SLC26A6: variants seen among roughly 807,000 people sequenced by gnomAD.
SLC26A6 encodes the protein solute carrier family 26 member 6, also known as anion exchange transporter.
Under a neutral mutation model 87.1 loss-of-function variants are expected in SLC26A6, and 67 were observed. The observed-to-expected ratio is 0.77, with a 90% confidence interval of 0.63 to 0.94. The LOEUF (loss-of-function observed/expected upper bound fraction) is 0.94. Among genes scored for constraint, SLC26A6 ranks in the 40% least tolerant of loss-of-function variants. The pLI is 0.00. For synonymous variants in SLC26A6, 414 were observed against 405.9 expected (o/e 1.02, Z -0.24); for missense variants, 902 against 973.0 (o/e 0.93, Z 0.97).
In SLC26A6 at chr3:48,630,666, G is replaced by A. The variant is rs1420794732; in HGVS notation, c.1189C>T (p.Pro397Ser). The A allele has an allele frequency of 7.5e-6, 12 of 1,601,874 alleles. No individual in the cohort carries two copies. The highest frequency in any genetic ancestry group is 1.7e-5 in the Admixed American group (1 of 58,720). Residue 397 changes from proline to serine, a missense_variant, in exon 10 of 21, where the codon CCC becomes TCC. Transcript: ENST00000395550. ...NLIGGIFQCF[P>S]VSCSMSRSLV... ...CTCCGAGACATAGAGCAACTCACGG[G>A]GAAGCACTGGAAGATGCCTCCGATA...
chr3:48,631,327 A>G, intron 7 of SLC26A6, 21 bp from the exon 8 acceptor site: 1 of 1,550,172 alleles, frequency 6.5e-7, no homozygotes, highest in Non-Finnish European at 8.7e-7. Flanking sequence ...GGACAGAGTC[A>G]GGGAGGCAGG....
chr3:48,628,823 C>G lies in SLC26A6; in HGVS notation c.1600-109G>C. On this transcript the variant is annotated intron_variant, in intron 14 of 20. Transcript: ENST00000395550. The surrounding 1 kb of genome is among the most constrained non-coding windows in gnomAD (Gnocchi z 4.4). ...GCCCAGTGCCTGCCACCGCCCAGCC[C>G]TCTGCTCCCCAGGCTGCAGTCCAGG... 2.3e-6 allele frequency: 3 copies of G among 1,290,540 alleles called. No homozygotes were observed. Among genetic ancestry groups the G allele is most frequent in the Admixed American group, 2.0e-5 (1 of 50,266 alleles). The allele number at this position is 1,290,540 out of a possible 1,614,324, so 79.9% of individuals were successfully genotyped here. A position where few individuals can be genotyped will look rare whatever the true frequency, so the allele number is the denominator to read the frequency against.
At chr3:48,630,258 T>C in intron 11 of SLC26A6, 101 bp from the exon 12 acceptor site, 1 of 1,401,608 alleles carries the variant, frequency 7.1e-7, no homozygotes, top group Non-Finnish European at 9.9e-7. Flanking sequence ...ACTCAGGCAG[T>C]ACCCCAGACA....
intron 1 of SLC26A6, 154 bp from the exon 2 acceptor site, chr3:48,633,789 C>T: frequency 6.8e-7 from 1 of 1,462,062 alleles, no homozygotes; most frequent in Non-Finnish European, 9.0e-7. Context: ...CTGTGGGCCA[C>T]ATGTCCAAAC....
rs751743351 is a variant in SLC26A6, at chr3:48,632,330, T to C, written c.500A>G (p.Asn167Ser). Reference protein sequence around the residue: ...VTESLAPQALNDSMINETARD... With the variant: ...VTESLAPQALSDSMINETARD... ...GGCTGTCTCATTGATCATGGAGTCGTTCAAGGCCTGCGGGGCCAGGGATTC... is the reference window on the plus strand; with the variant it reads ...GGCTGTCTCATTGATCATGGAGTCGCTCAAGGCCTGCGGGGCCAGGGATTC... Residue 167 changes from asparagine to serine, a missense_variant, in exon 5 of 21, where the codon AAC becomes AGC. By Grantham distance (46) the Asn-to-Ser change is conservative. This residue lies in a region of SLC26A6 where 800 missense variants were observed against 856.8 expected (regional missense o/e 0.93). Transcript: ENST00000395550. 8 of 1,613,116 alleles carry C rather than the reference T, an allele frequency of 5.0e-6. No homozygotes were observed. The South Asian group carries it at 6.6e-5, about 13-fold the overall frequency.
chr3:48,631,373 T>C, intron 7 of SLC26A6, 67 bp from the exon 8 acceptor site: 1 of 1,453,828 alleles, frequency 6.9e-7, no homozygotes, highest in Admixed American at 2.5e-5. Context: ...CATAAACCAC[T>C]GTGAGGTGAG....
Position 48,628,272 on chromosome 3 carries a change from G to A in SLC26A6, c.1800+162C>T, listed in dbSNP as rs894240738. ...GATGGGAGAGAAAATGCTGCCTAGA[G>A]CCCGGACCTGCTAGGGGAGTGAAGC... is the stretch of plus-strand genomic sequence containing the variant. On this transcript the variant is annotated intron_variant, in intron 16 of 20. Coordinates refer to ENST00000395550, the MANE Select transcript of SLC26A6 (RefSeq NM_022911.3). The surrounding 1 kb of genome is among the most constrained non-coding windows in gnomAD (Gnocchi z 4.4). 13 of 940,842 alleles carry A rather than the reference G, an allele frequency of 1.4e-5. No individual in the cohort carries two copies. In the African/African-American group the frequency reaches 2.0e-4, roughly 14 times the overall value. 58.3% of individuals were successfully genotyped at this position (940,842 alleles called of 1,614,324 possible). A position where few individuals can be genotyped will look rare whatever the true frequency, so the allele number is the denominator to read the frequency against.
At chr3:48,627,286 C>T (rs139513475) in intron 17 of SLC26A6, 28 of 543,876 alleles carry the variant, frequency 5.1e-5, no homozygotes, top group Non-Finnish European at 7.8e-5. Context: ...CCTCCTGGGC[C>T]GACGCTGCAC....
chr3:48,628,670 G>A lies in SLC26A6; in HGVS notation c.1644C>T (p.Thr548=), dbSNP rs773219606. ...RGVKVFRSSA[T]VYFANAEFYS... ...AGAACTCAGCATTGGCAAAGTACAC[G>A]GTGGCCGAGGAGCGGAAGACCTTCA... is the stretch of plus-strand genomic sequence containing the variant. The change falls in exon 15 of 21, where the codon ACC becomes ACT. Residue 548 remains threonine (T), a synonymous_variant. Transcript: ENST00000395550. The surrounding 1 kb of genome is among the most constrained non-coding windows in gnomAD (Gnocchi z 4.4). 11 of 1,613,562 alleles carry A rather than the reference G, an allele frequency of 6.8e-6. No individual in the cohort carries two copies. The highest frequency in any genetic ancestry group is 1.3e-5 in the African/African-American group (1 of 75,016).
intron 17 of SLC26A6, 41 bp from the exon 18 acceptor site, chr3:48,627,096 G>T (rs60028595): frequency 6.3e-7 from 1 of 1,595,916 alleles, no homozygotes; most frequent in Non-Finnish European, 8.5e-7. Context: ...CCATGAGAGA[G>T]TGAAGGCAGG....
At position 48,630,615 on chromosome 3, in the gene SLC26A6, T is replaced by G. The variant is rs750055957; in HGVS notation, c.1240A>C (p.Asn414His). 3.2e-6 allele frequency: 5 copies of G among 1,579,816 alleles called. No homozygotes were observed. The South Asian group carries it at 4.6e-5, about 15-fold the overall frequency. Residue 414 changes from asparagine to histidine, a missense_variant, in exon 10 of 21, where the codon AAC (asparagine) becomes CAC (histidine). Physicochemically the swap from Asn to His is moderately conservative, Grantham distance 68. This residue lies in a region of SLC26A6 where 800 missense variants were observed against 856.8 expected (regional missense o/e 0.93). Transcript: ENST00000395550. ...CCACACCCAAAGCCCACCTGCGAGT[T>G]GCCCCCGGTGCTCTCCTGTACCAGG... Reference protein sequence around the residue: ...RSLVQESTGGNSQVAGAISSL... With the variant: ...RSLVQESTGGHSQVAGAISSL...
intron 4 of SLC26A6, chr3:48,632,664 G>C: frequency 1.4e-6 from 1 of 690,418 alleles, no homozygotes; most frequent in Non-Finnish European, 2.6e-6. Context: ...GGACACAGAG[G>C]CTCTCTGTGG....
chr3:48,628,408 G>T lies in SLC26A6; in HGVS notation c.1800+26C>A, dbSNP rs752472295. The T allele has an allele frequency of 5.6e-6, 9 of 1,613,106 alleles. No individual in the cohort carries two copies. Among genetic ancestry groups the T allele is most frequent in the Non-Finnish European group, 7.6e-6 (9 of 1,179,902 alleles). ...GCAGGGAACAGGGGGCAGGAGATGG[G>T]GGTCACCAGACAAAAGGGGCCCTGC... On this transcript the variant is annotated intron_variant, in intron 16 of 20. Transcript: ENST00000395550. This position sits in a 1 kb window ranked among gnomAD's most constrained non-coding sequence, Gnocchi z 4.4.
chr3:48,626,006 C>G lies in SLC26A6; in HGVS notation c.2266-6G>C, dbSNP rs1559463112. 1.2e-6 allele frequency: 2 copies of G among 1,613,784 alleles called. No homozygotes were observed. The highest frequency in any genetic ancestry group is 8.5e-7 in the Non-Finnish European group (1 of 1,179,910). On this transcript the variant is annotated splice_region_variant and splice_polypyrimidine_tract_variant and intron_variant, in intron 20 of 20. Coordinates refer to ENST00000395550, the MANE Select transcript of SLC26A6 (RefSeq NM_022911.3). ...CATGTTCAGAGTCTGGTGACCTGAGCAGGCAGAGGAGGGGAGGCTCTAGTC... is the reference window on the plus strand; with the variant it reads ...CATGTTCAGAGTCTGGTGACCTGAGGAGGCAGAGGAGGGGAGGCTCTAGTC...
chr3:48,634,204 G>C (rs2046890362), intron 1 of SLC26A6: 1 of 156,112 alleles, frequency 6.4e-6, no homozygotes, highest in African/African-American at 2.4e-5. Flanking sequence ...GCTCAGGCCT[G>C]TTATGGGGAA....
At position 48,631,872 on chromosome 3, in the gene SLC26A6, T is replaced by TC. The variant is rs2046806931; in HGVS notation, c.750+7dup. ...CACCTACCCCTCCCTCCCCCTACCCTCACTCACATAGATGAGGGACAGTGG... is the reference window on the plus strand; with the variant it reads ...CACCTACCCCTCCCTCCCCCTACCCTCCACTCACATAGATGAGGGACAGTGG... On this transcript the variant is annotated splice_region_variant and intron_variant, in intron 6 of 20. Coordinates refer to ENST00000395550, the MANE Select transcript of SLC26A6 (RefSeq NM_022911.3). 8.1e-6 allele frequency: 13 copies of TC among 1,613,362 alleles called. No homozygotes were observed. The highest frequency in any genetic ancestry group is 1.0e-5 in the Non-Finnish European group (12 of 1,179,930).
Position 48,627,033 on chromosome 3 carries a change from A to G in SLC26A6, c.1916T>C (p.Met639Thr), listed in dbSNP as rs2046643968. 6 of 1,613,890 alleles carry G rather than the reference A, an allele frequency of 3.7e-6. No homozygotes were observed. The highest frequency in any genetic ancestry group is 2.7e-5 in the African/African-American group (2 of 74,908). ...KMMQVSSGDK[M>T]EDATANGQED... ...TTGACCATTGGCTGTTGCATCTTCC[A>G]TCTTATCTCCTGAGCTCACCTGCTG... is the stretch of plus-strand genomic sequence containing the variant. Residue 639 changes from methionine to threonine, a missense_variant, in exon 18 of 21, where the codon ATG becomes ACG. By Grantham distance (81) the Met-to-Thr change is moderately conservative. This residue lies in a region of SLC26A6 where 800 missense variants were observed against 856.8 expected (regional missense o/e 0.93). Transcript: ENST00000395550.
chr3:48,630,257 G>C, intron 11 of SLC26A6, 100 bp from the exon 12 acceptor site: 1 of 1,414,900 alleles, frequency 7.1e-7, no homozygotes. Context: ...CACTCAGGCA[G>C]TACCCCAGAC....
intron 7 of SLC26A6, 34 bp from the exon 8 acceptor site, chr3:48,631,340 C>CT: frequency 6.5e-7 from 1 of 1,530,310 alleles, no homozygotes; most frequent in Non-Finnish European, 8.8e-7. Flanking sequence ...GAGGCAGGTG[C>CT]TGGCACCATG....
Sources: gnomAD v4.1 joint callset for allele counts on GRCh38, gnomAD v4.1.1 for gene constraint, gnomAD v4.1.1 regional missense constraint, Gnocchi (gnomAD v3.1) non-coding constraint, MANE v1.5 for transcripts, NCBI Gene and HGNC (gene_info 2026-07-23, HGNC 2026-07-21) for gene names.